Variants in CLOCK observed in about 807,000 individuals in gnomAD.
CLOCK encodes the protein circadian locomoter output cycles protein kaput.
A neutral mutation model predicts 118.4 loss-of-function variants in CLOCK; 43 were observed. The ratio of observed to expected loss-of-function variants is 0.36; its 90% CI spans 0.28 to 0.47. The LOEUF (loss-of-function observed/expected upper bound fraction) is 0.47, where lower values mean the gene tolerates loss of function less well. CLOCK is among the 20% of genes least tolerant of loss of function. CLOCK has a pLI of 1.00. For synonymous variants in CLOCK, 326 were observed against 339.2 expected (o/e 0.96, Z 0.43); for missense variants, 846 against 999.9 (o/e 0.85, Z 2.08).
At chr4:55,469,347 G>A (rs547893096) in intron 8 of CLOCK, among the ~76,000 whole-genome samples, 3 of 152,078 alleles carry the variant, frequency 2.0e-5, no homozygotes, top group Non-Finnish European at 4.4e-5. Flanking sequence ...TGCATGCCTC[G>A]GCCTCCCAAA....
intron 8 of CLOCK, among the ~76,000 whole-genome samples, chr4:55,470,390 A>G (rs1010815321): frequency 1.3e-5 from 2 of 152,232 alleles, no homozygotes; most frequent in African/African-American, 4.8e-5. Flanking sequence ...GCAACAGGCT[A>G]TATATACCAT....
At chr4:55,513,732 T>C (rs1036884371) in intron 1 of CLOCK, among the ~76,000 whole-genome samples, 2 of 152,140 alleles carry the variant, frequency 1.3e-5, no homozygotes, top group African/African-American at 4.8e-5. Flanking sequence ...ACAAATAAAA[T>C]TGTGAAGAAC....
At chr4:55,448,603 T>TGC (rs1228920045) in intron 18 of CLOCK, among the ~76,000 whole-genome samples, 176 bp downstream of exon 18, 15 of 27,946 alleles carry the variant, frequency 5.4e-4, no homozygotes, top group Middle Eastern at 0.019. Context: ...CACGCGCGCG[T>TGC]GTGTGTGTGT....
intron 1 of CLOCK, among the ~76,000 whole-genome samples, chr4:55,517,816 C>T (rs114042415): frequency 0.022 from 3,394 of 152,208 alleles, 113 homozygotes; most frequent in African/African-American, 0.077. Context: ...TTGGCTTTTT[C>T]ATTACTCTCA....
intron 1 of CLOCK, among the ~76,000 whole-genome samples, chr4:55,529,903 C>T (rs1164396931): frequency 6.6e-6 from 1 of 152,150 alleles, no homozygotes; most frequent in African/African-American, 2.4e-5. Flanking sequence ...AATTTATAAA[C>T]ATTCGCAGGT....
intron 2 of CLOCK, among the ~76,000 whole-genome samples, chr4:55,493,310 CCCTAA>C (rs1318969985): frequency 7.9e-5 from 12 of 152,028 alleles, no homozygotes; most frequent in Admixed American, 7.2e-4. Flanking sequence ...TACAGTTTTT[CCCTAA>C]CCTAATAACC....
rs1331857670 is a variant in CLOCK at position 55,432,318 on chromosome 4, CA to C, written c.*3096del. On this transcript the variant is annotated 3_prime_UTR_variant, in exon 23 of 23. Transcript: ENST00000513440. Reference sequence around the variant, plus strand: ...CTAGTTCTCACTTGCATTTGTTAAACAATACTGACTCTCCCAAAACTATGAT... The same window carrying C: ...CTAGTTCTCACTTGCATTTGTTAAACATACTGACTCTCCCAAAACTATGAT... 6.6e-6 allele frequency: 1 copy of C among 151,980 alleles called. No homozygotes were observed. Among genetic ancestry groups the C allele is most frequent in the Admixed American group, 6.6e-5 (1 of 15,248 alleles). The allele number at this position is 151,980 out of a possible 1,614,324, so 9.4% of individuals were successfully genotyped here. A position where few individuals can be genotyped will look rare whatever the true frequency, so the allele number is the denominator to read the frequency against.
At chr4:55,495,060 C>A (rs112764568) in intron 2 of CLOCK, among the ~76,000 whole-genome samples, 3 of 152,264 alleles carry the variant, frequency 2.0e-5, no homozygotes, top group African/African-American at 7.2e-5. Flanking sequence ...TTTACAGCAA[C>A]CTGCATAGGA....
intron 15 of CLOCK, among the ~76,000 whole-genome samples, chr4:55,451,111 T>TTAC (rs1259269581): frequency 1.3e-5 from 2 of 152,050 alleles, no homozygotes; most frequent in Admixed American, 1.3e-4. Context: ...TCTCTTCTCT[T>TTAC]TGTAGCAAAA....
At chr4:55,537,993 T>G (rs748544112) in intron 1 of CLOCK, among the ~76,000 whole-genome samples, 2 of 152,134 alleles carry the variant, frequency 1.3e-5, no homozygotes, top group Non-Finnish European at 2.9e-5. Flanking sequence ...TCAATTAAAC[T>G]AAAAGTTAAC....
chr4:55,446,709 G>T (rs1723878841), intron 18 of CLOCK, among the ~76,000 whole-genome samples: 1 of 152,070 alleles, frequency 6.6e-6, no homozygotes, highest in African/African-American at 2.4e-5. Flanking sequence ...CCCACATTTG[G>T]TGATTCATCT....
rs557471661 is a variant in CLOCK, at chr4:55,431,496, G to A, written c.*3919C>T. ...TTTCTCCAAACACTTAAAATGGCAA[G>A]TGCCTTTGTGCTGTTTCTTCTCTAC... On this transcript the variant is annotated 3_prime_UTR_variant, in exon 23 of 23. Coordinates refer to ENST00000513440, the MANE Select transcript of CLOCK (RefSeq NM_004898.4). 3.3e-5 allele frequency: 5 copies of A among 152,270 alleles called. No homozygotes were observed. In the South Asian group the frequency reaches 1.0e-3, roughly 32 times the overall value. The allele number at this position is 152,270 out of a possible 1,614,324, so 9.4% of individuals were successfully genotyped here. A position where few individuals can be genotyped will look rare whatever the true frequency, so the allele number is the denominator to read the frequency against.
chr4:55,538,473 G>A (rs1210948348), intron 1 of CLOCK, among the ~76,000 whole-genome samples: 1 of 152,114 alleles, frequency 6.6e-6, no homozygotes, highest in East Asian at 1.9e-4. Context: ...AGATTATTTT[G>A]ACAAAAAGAG....
At chr4:55,473,785 C>T (rs984832951) in intron 7 of CLOCK, among the ~76,000 whole-genome samples, 5 of 152,056 alleles carry the variant, frequency 3.3e-5, no homozygotes, top group Non-Finnish European at 5.9e-5. Flanking sequence ...GTAATTCTTG[C>T]AATATTTCAA....
Position 55,429,531 on chromosome 4 carries a change from AT to A in CLOCK, c.*5883del, listed in dbSNP as rs148674653. 1 of 152,202 alleles carries A rather than the reference AT, an allele frequency of 6.6e-6. No homozygotes were observed. Among genetic ancestry groups the A allele is most frequent in the Non-Finnish European group, 1.5e-5 (1 of 68,044 alleles). 9.4% of individuals were successfully genotyped at this position (152,202 alleles called of 1,614,324 possible). ...TGACACCATATTAAAGACAGCAAACATTTTTTGTAGAAGTTTACAGCCTGTA... is the reference window on the plus strand; with the variant it reads ...TGACACCATATTAAAGACAGCAAACATTTTTGTAGAAGTTTACAGCCTGTA... On this transcript the variant is annotated 3_prime_UTR_variant, in exon 23 of 23. Coordinates refer to ENST00000513440, the MANE Select transcript of CLOCK (RefSeq NM_004898.4).
chr4:55,510,941 C>A (rs183159427), intron 1 of CLOCK, among the ~76,000 whole-genome samples: 87 of 152,218 alleles, frequency 5.7e-4, no homozygotes, highest in African/African-American at 1.9e-3. Context: ...AAAGGCAGAG[C>A]CCATTTTAAA....
At position 55,431,878 on chromosome 4, in the gene CLOCK, C is replaced by T. The variant is rs1405809732; in HGVS notation, c.*3537G>A. The T allele has an allele frequency of 6.6e-6, 1 of 152,198 alleles. No individual in the cohort carries two copies. The highest frequency in any genetic ancestry group is 1.5e-5 in the Non-Finnish European group (1 of 68,028). The allele number at this position is 152,198 out of a possible 1,614,324, so 9.4% of individuals were successfully genotyped here. On this transcript the variant is annotated 3_prime_UTR_variant, in exon 23 of 23. Coordinates refer to ENST00000513440, the MANE Select transcript of CLOCK (RefSeq NM_004898.4). ...TTTTAAGGATCCCTTTCTAAGGCTTCCTGAACAAGGGTTCTTCTCCCTTCA... is the reference window on the plus strand; with the variant it reads ...TTTTAAGGATCCCTTTCTAAGGCTTTCTGAACAAGGGTTCTTCTCCCTTCA...
intron 11 of CLOCK, among the ~76,000 whole-genome samples, chr4:55,456,687 TTC>T (rs1724945375): frequency 6.6e-6 from 1 of 152,142 alleles, no homozygotes; most frequent in African/African-American, 2.4e-5. Flanking sequence ...ATTTACCTAT[TTC>T]TTTGTTTGAC....
chr4:55,475,034 C>G (rs1726407878), intron 7 of CLOCK, among the ~76,000 whole-genome samples: 1 of 152,156 alleles, frequency 6.6e-6, no homozygotes, highest in Non-Finnish European at 1.5e-5. Flanking sequence ...GATAGTGATT[C>G]ATGTGATGGA....
Sources: allele counts gnomAD v4.1 joint callset (sites outside exome capture counted in the v4.1 genomes callset), GRCh38; gene constraint gnomAD v4.1.1; transcripts MANE v1.5; gene names NCBI Gene and HGNC (gene_info 2026-07-23, HGNC 2026-07-21).